Variants in ARHGAP6 observed in about 807,000 individuals in gnomAD.
ARHGAP6 encodes Rho GTPase activating protein 6.
ARHGAP6 carries 16 observed loss-of-function variants against 55.7 expected under a neutral mutation model. That is an observed-to-expected ratio of 0.29 (90% CI 0.19 to 0.44). The LOEUF (loss-of-function observed/expected upper bound fraction) is 0.44. ARHGAP6 is among the 20% of genes least tolerant of loss of function. The probability of loss-of-function intolerance (pLI) is 1.00; values close to 1 mark genes in which losing one functional copy is unlikely to be tolerated. For synonymous variants in ARHGAP6, 382 were observed against 360.9 expected (o/e 1.06, Z -0.66); for missense variants, 698 against 808.9 (o/e 0.86, Z 1.66).
intron 1 of ARHGAP6, among the ~76,000 whole-genome samples, chrX:11,315,273 A>G (rs2048345947): frequency 8.9e-6 from 1 of 112,486 alleles, no homozygotes; most frequent in Admixed American, 9.3e-5. Flanking sequence ...TTTCAGCATG[A>G]AACTGTTCCA....
At chrX:11,519,852 A>C (rs914508527) in intron 1 of ARHGAP6, among the ~76,000 whole-genome samples, 19 of 104,953 alleles carry the variant, frequency 1.8e-4, no homozygotes, top group Non-Finnish European at 1.9e-4. Flanking sequence ...TGGATTAAAG[A>C]TTTAAACGTT....
At chrX:11,237,091 C>G (rs1036687197) in intron 2 of ARHGAP6, among the ~76,000 whole-genome samples, 1 of 112,702 alleles carries the variant, frequency 8.9e-6, no homozygotes, top group Non-Finnish European at 1.9e-5. Context: ...TAAACAGCCT[C>G]AATTCACAGG....
intron 1 of ARHGAP6, among the ~76,000 whole-genome samples, chrX:11,519,655 C>A (rs2050891442): frequency 9.1e-6 from 1 of 109,315 alleles, no homozygotes; most frequent in Non-Finnish European, 1.9e-5. Context: ...ATCAATGGAA[C>A]AGAACAGAGC....
intron 1 of ARHGAP6, among the ~76,000 whole-genome samples, chrX:11,576,361 T>C (rs1024253593): frequency 5.4e-5 from 6 of 112,142 alleles, no homozygotes; most frequent in East Asian, 2.8e-4. Flanking sequence ...TCACATTAGA[T>C]GCCTTATAAA....
chrX:11,593,514 C>T (rs1227755961), intron 1 of ARHGAP6, among the ~76,000 whole-genome samples: 2 of 111,686 alleles, frequency 1.8e-5, no homozygotes, highest in African/African-American at 3.3e-5. Flanking sequence ...ATGGTGGACA[C>T]GTGTTATACA....
At chrX:11,231,061 G>A (rs543637610) in intron 2 of ARHGAP6, among the ~76,000 whole-genome samples, 52 of 111,640 alleles carry the variant, frequency 4.7e-4, no homozygotes, top group Admixed American at 1.1e-3. Context: ...TTAAGATAAC[G>A]TTTAATTTAT....
At chrX:11,158,985 G>GT (rs1394680659) in intron 9 of ARHGAP6, among the ~76,000 whole-genome samples, 3 of 112,490 alleles carry the variant, frequency 2.7e-5, no homozygotes, top group Non-Finnish European at 3.8e-5. Flanking sequence ...GGAAGACGCA[G>GT]TTTTCAATAG....
chrX:11,186,065 G>C (rs1051304957), intron 5 of ARHGAP6, among the ~76,000 whole-genome samples, 171 bp downstream of exon 5: 5 of 111,456 alleles, frequency 4.5e-5, no homozygotes, highest in Non-Finnish European at 7.5e-5. Flanking sequence ...CTCCAATCTT[G>C]TTTAGCCCCA....
intron 1 of ARHGAP6, among the ~76,000 whole-genome samples, chrX:11,470,532 T>G (rs2050337610): frequency 8.9e-6 from 1 of 112,576 alleles, no homozygotes; most frequent in Non-Finnish European, 1.9e-5. Context: ...AGAATTAGCT[T>G]CACTGCCATT....
At chrX:11,238,916 G>A (rs1013449172) in intron 2 of ARHGAP6, among the ~76,000 whole-genome samples, 1 of 111,699 alleles carries the variant, frequency 9.0e-6, no homozygotes, top group African/African-American at 3.3e-5. Context: ...TGTTTTACAA[G>A]ATAAATGTTT....
At chrX:11,506,256 T>A (rs922847425) in intron 1 of ARHGAP6, among the ~76,000 whole-genome samples, 2 of 111,237 alleles carry the variant, frequency 1.8e-5, no homozygotes, top group Non-Finnish European at 3.8e-5. Context: ...CTTTTTTATA[T>A]ATACTTTAAG....
At chrX:11,524,643 A>G (rs1603242069) in intron 1 of ARHGAP6, among the ~76,000 whole-genome samples, 1 of 111,451 alleles carries the variant, frequency 9.0e-6, no homozygotes, top group South Asian at 3.8e-4. Context: ...TGTGCACTAT[A>G]GCAGCAGTCC....
At chrX:11,553,413 T>C (rs1301003019) in intron 1 of ARHGAP6, among the ~76,000 whole-genome samples, 1 of 110,851 alleles carries the variant, frequency 9.0e-6, no homozygotes, top group Admixed American at 9.6e-5. Flanking sequence ...AGCTAATTTT[T>C]GTATTTTTTT....
At chrX:11,420,623 G>C (rs769075196) in intron 1 of ARHGAP6, among the ~76,000 whole-genome samples, 1 of 111,633 alleles carries the variant, frequency 9.0e-6, no homozygotes, top group African/African-American at 3.3e-5. Flanking sequence ...ATGTGATTGA[G>C]AGAGAAACGC....
chrX:11,366,198 C>T (rs1168004094), intron 1 of ARHGAP6, among the ~76,000 whole-genome samples: 1 of 112,088 alleles, frequency 8.9e-6, no homozygotes, highest in African/African-American at 3.2e-5. Context: ...AAAACCATCT[C>T]TTCTTAAGAA....
At chrX:11,285,214 G>A (rs1301970438) in intron 1 of ARHGAP6, among the ~76,000 whole-genome samples, 3 of 103,327 alleles carry the variant, frequency 2.9e-5, no homozygotes, top group Non-Finnish European at 3.9e-5. Flanking sequence ...TTTTACAGCC[G>A]ATCTGTGAGA....
intron 1 of ARHGAP6, among the ~76,000 whole-genome samples, chrX:11,376,774 C>T (rs2049206061): frequency 9.0e-6 from 1 of 111,684 alleles, no homozygotes; most frequent in Non-Finnish European, 1.9e-5. Context: ...AAAGCCCTTT[C>T]CCATATATTG....
intron 1 of ARHGAP6, among the ~76,000 whole-genome samples, chrX:11,501,089 C>G (rs1320039783): frequency 8.9e-6 from 1 of 112,139 alleles, no homozygotes; most frequent in Non-Finnish European, 1.9e-5. Flanking sequence ...CTACTCAACT[C>G]TGCCCTTGCC....
intron 1 of ARHGAP6, among the ~76,000 whole-genome samples, chrX:11,520,477 C>T (rs2050910681): frequency 9.2e-6 from 1 of 109,099 alleles, no homozygotes; most frequent in East Asian, 2.9e-4. Flanking sequence ...CATGTCCCTA[C>T]AAAGGACATG....
Sources: gnomAD v4.1 joint callset for allele counts (sites outside exome capture counted in the v4.1 genomes callset) on GRCh38, gnomAD v4.1.1 for gene constraint, MANE v1.5 for transcripts, NCBI Gene and HGNC (gene_info 2026-07-23, HGNC 2026-07-21) for gene names.